The following SULF1 variants were observed in gnomAD, a reference collection of about 807,000 sequenced individuals.
SULF1 encodes extracellular sulfatase Sulf-1.
Under a neutral mutation model 110.5 loss-of-function variants are expected in SULF1, and 46 were observed. The ratio of observed to expected loss-of-function variants is 0.42; its 90% confidence interval spans 0.33 to 0.53. SULF1 has a LOEUF of 0.53. Ranked by LOEUF, SULF1 falls within the 20% of genes least tolerant of loss-of-function variation. The pLI, the probability that SULF1 is intolerant of heterozygous loss-of-function variation, is 0.12. For missense variants in SULF1, 941 were observed against 1,094.2 expected, an observed-to-expected ratio of 0.86 and a Z score of 1.98; for synonymous variants, 371 against 387.1, an observed-to-expected ratio of 0.96 and a Z score of 0.49.
intron 3 of SULF1, among the ~76,000 whole-genome samples, chr8:69,531,452 C>A (rs1813076920): frequency 6.6e-6 from 1 of 152,168 alleles, no homozygotes; most frequent in Non-Finnish European, 1.5e-5. Flanking sequence ...CCACCACCCA[C>A]CTCTCCTCCA....
At chr8:69,482,819 G>T (rs1309619375) in intron 1 of SULF1, among the ~76,000 whole-genome samples, 1 of 152,060 alleles carries the variant, frequency 6.6e-6, no homozygotes, top group East Asian at 1.9e-4. Flanking sequence ...GAACAACTAG[G>T]ATCCAGGTCT....
intron 3 of SULF1, among the ~76,000 whole-genome samples, chr8:69,545,637 C>A (rs1459661415): frequency 2.0e-5 from 3 of 152,092 alleles, no homozygotes; most frequent in South Asian, 2.1e-4. Flanking sequence ...TCTTTTATTT[C>A]TTTTGTCTTT....
In SULF1 at chr8:69,606,043, A is replaced by G. The variant is rs185102002; in HGVS notation, c.1377+1111A>G. Among the ~76,000 whole-genome samples the G allele has an allele frequency of 3.5e-4, 54 of 152,350 alleles. 1 individual carries two copies. The highest frequency in any genetic ancestry group is 3.5e-3 in the Admixed American group (54 of 15,302). ...GATATCCACACAATTCACCAACACC[A>G]GTTCAAGATGTCAGGCTCATGGAAT... On this transcript the variant is annotated intron_variant, in intron 13 of 22. Transcript: ENST00000402687.
At chr8:69,628,856 T>C (rs1381856724) in intron 18 of SULF1, among the ~76,000 whole-genome samples, 1 of 152,192 alleles carries the variant, frequency 6.6e-6, no homozygotes, top group Non-Finnish European at 1.5e-5. Flanking sequence ...TGATTGGTAC[T>C]CGGCTGCCAA....
At chr8:69,610,223 A>G (rs1283085729) in intron 13 of SULF1, among the ~76,000 whole-genome samples, 2 of 152,218 alleles carry the variant, frequency 1.3e-5, no homozygotes, top group African/African-American at 4.8e-5. Context: ...AGCTGATGCT[A>G]TTATAACGGA....
At chr8:69,598,842 A>G (rs1207949188) in intron 8 of SULF1, among the ~76,000 whole-genome samples, 1 of 152,216 alleles carries the variant, frequency 6.6e-6, no homozygotes, top group African/African-American at 2.4e-5. Context: ...TTTTAGAGAC[A>G]GTGTCTTCTA....
At chr8:69,625,579 C>T (rs1415527257) in intron 15 of SULF1, among the ~76,000 whole-genome samples, 6 of 152,134 alleles carry the variant, frequency 3.9e-5, no homozygotes, top group East Asian at 3.9e-4. Context: ...TGCAGACCTT[C>T]GCGTGAGTGT....
At position 69,634,477 on chromosome 8, in the gene SULF1, C is replaced by A. The variant is rs4428680; in HGVS notation, c.2285-4025C>A. 4.6e-5 allele frequency among the ~76,000 whole-genome samples: 7 copies of A among 152,136 alleles called. No individual in the cohort carries two copies. The South Asian group carries it at 1.2e-3, about 27-fold the overall frequency. On this transcript the variant is annotated intron_variant, in intron 19 of 22. Transcript: ENST00000402687. The stretch of plus-strand genomic sequence containing the variant: ...AGAAAGGATATGAAAAGTTTAAGAG[C>A]GTAAAAGTTGGCTGGGCACAGTGAC...
chr8:69,609,938 TTTC>T (rs1808515649), intron 13 of SULF1, among the ~76,000 whole-genome samples: 1 of 152,212 alleles, frequency 6.6e-6, no homozygotes, highest in African/African-American at 2.4e-5. Flanking sequence ...TGGGTTGGTT[TTTC>T]TTCTTCTTCT....
chr8:69,573,738 G>A (rs1243295438), intron 5 of SULF1, among the ~76,000 whole-genome samples: 1 of 152,098 alleles, frequency 6.6e-6, no homozygotes, highest in African/African-American at 2.4e-5. Flanking sequence ...CTTATCTCCA[G>A]GATATTCCCC....
At chr8:69,599,144 G>A (rs1449012847) in intron 8 of SULF1, among the ~76,000 whole-genome samples, 1 of 152,142 alleles carries the variant, frequency 6.6e-6, no homozygotes, top group Non-Finnish European at 1.5e-5. Flanking sequence ...GGAGGACTCG[G>A]TCAAGACTCC....
At chr8:69,548,751 G>A (rs140859591) in intron 3 of SULF1, among the ~76,000 whole-genome samples, 3 of 151,606 alleles carry the variant, frequency 2.0e-5, no homozygotes, top group African/African-American at 4.8e-5. Flanking sequence ...ATGAGCCACC[G>A]TGCCCAGACT....
intron 14 of SULF1, among the ~76,000 whole-genome samples, chr8:69,621,643 G>A (rs1809620565): frequency 6.6e-6 from 1 of 152,152 alleles, no homozygotes; most frequent in Non-Finnish European, 1.5e-5. Flanking sequence ...AGGTTTCAGT[G>A]TGTATGCATT....
At chr8:69,654,559 G>T (rs1450530584) in intron 22 of SULF1, among the ~76,000 whole-genome samples, 2 of 152,116 alleles carry the variant, frequency 1.3e-5, no homozygotes, top group Non-Finnish European at 2.9e-5. Flanking sequence ...TATAATTAGG[G>T]TTTTTTGCTT....
intron 3 of SULF1, among the ~76,000 whole-genome samples, chr8:69,531,436 A>G (rs1167985005): frequency 6.6e-6 from 1 of 152,150 alleles, no homozygotes; most frequent in Non-Finnish European, 1.5e-5. Flanking sequence ...CAGATTTTCA[A>G]CCAAGCCACC....
intron 1 of SULF1, among the ~76,000 whole-genome samples, chr8:69,482,189 T>G (rs548356033): frequency 5.9e-5 from 9 of 152,318 alleles, no homozygotes; most frequent in African/African-American, 2.2e-4. Flanking sequence ...CAGACTCTTT[T>G]GCTCTCACCA....
chr8:69,483,392 G>T (rs1025617012), intron 1 of SULF1, among the ~76,000 whole-genome samples: 8 of 151,998 alleles, frequency 5.3e-5, no homozygotes, highest in South Asian at 2.1e-4. Context: ...AGGCATTGTG[G>T]GACCCATTTT....
chr8:69,517,492 A>C, intron 3 of SULF1, among the ~76,000 whole-genome samples: 1 of 152,174 alleles, frequency 6.6e-6, no homozygotes, highest in East Asian at 1.9e-4. Flanking sequence ...TTTAGGAACC[A>C]GGAAGTAAGG....
intron 1 of SULF1, among the ~76,000 whole-genome samples, chr8:69,481,435 T>C (rs1378208280): frequency 4.6e-5 from 7 of 152,226 alleles, no homozygotes; most frequent in Non-Finnish European, 7.3e-5. Flanking sequence ...TTGTTCATAC[T>C]ATTTTCCTTT....
Sources: allele counts gnomAD v4.1 joint callset (sites outside exome capture counted in the v4.1 genomes callset), GRCh38; gene constraint gnomAD v4.1.1; transcripts MANE v1.5; gene names NCBI Gene and HGNC (gene_info 2026-07-23, HGNC 2026-07-21).